Variants in DPYSL2 observed in about 807,000 individuals in gnomAD.
DPYSL2 encodes dihydropyrimidinase like 2, also known as dihydropyrimidinase-related protein 2.
In DPYSL2, 13 loss-of-function variants were observed where a neutral mutation model predicts 69.9. The observed-to-expected ratio is 0.19, with a 90% CI of 0.12 to 0.30. DPYSL2 has a LOEUF of 0.30. Among genes scored for constraint, DPYSL2 ranks in the 10% least tolerant of loss-of-function variants. The pLI, the probability that DPYSL2 is intolerant of heterozygous loss-of-function variation, is 1.00. For missense variants in DPYSL2, 587 were observed against 918.9 expected, an observed-to-expected ratio of 0.64 and a Z score of 4.67; for synonymous variants, 326 against 359.1, an observed-to-expected ratio of 0.91 and a Z score of 1.04.
rs79869691 is a variant in DPYSL2, at chr8:26,636,404, G to A, written c.1126+1504G>A. On this transcript the variant is annotated intron_variant, in intron 8 of 13. Coordinates refer to ENST00000521913, the MANE Select transcript of DPYSL2 (RefSeq NM_001197293.3). ...GTCTGAAAGGGGGAAAGAATGAGAC[G>A]GCTTATTTTCTGTATTTTACTACTG... Among the ~76,000 whole-genome samples the A allele has an allele frequency of 1.8e-3, 277 of 152,284 alleles. 6 individuals carry two copies. In the East Asian group the frequency reaches 0.046, roughly 25 times the overall value.
chr8:26,603,204 G>A (rs6557926), intron 3 of DPYSL2, among the ~76,000 whole-genome samples: 18,641 of 151,806 alleles, frequency 0.12, 1,273 homozygotes, highest in Non-Finnish European at 0.15. Flanking sequence ...ACAGGGTCTC[G>A]CTCTATCTCC....
At position 26,586,332 on chromosome 8, in the gene DPYSL2, C is replaced by T. The variant is rs1563397855; in HGVS notation, c.628+2349C>T. Among the ~76,000 whole-genome samples the T allele has an allele frequency of 6.6e-6, 1 of 152,172 alleles. No homozygotes were observed. Among genetic ancestry groups the T allele is most frequent in the African/African-American group, 2.4e-5 (1 of 41,440 alleles). ...GTCCTTTCCAGCCCCCTACATTTGG[C>T]CATTCACTGAAACTCATTCACTGAA... On this transcript the variant is annotated intron_variant, in intron 3 of 13. Coordinates refer to ENST00000521913, the MANE Select transcript of DPYSL2 (RefSeq NM_001197293.3). This position sits in a 1 kb window ranked among gnomAD's most constrained non-coding sequence, Gnocchi z 4.7.
chr8:26,647,484 T>C lies in DPYSL2; in HGVS notation c.1426-146T>C. ...AAATGGAGTCATACAGTGTGTGACC[T>C]TTGAGACGGTTTGTGTTTCACTTGG... is the stretch of plus-strand genomic sequence containing the variant. On this transcript the variant is annotated intron_variant, in intron 10 of 13. Transcript: ENST00000521913. The surrounding 1 kb of genome is among the most constrained non-coding windows in gnomAD (Gnocchi z 5.1). 1 of 830,680 alleles carries C rather than the reference T, an allele frequency of 1.2e-6. No individual in the cohort carries two copies. The highest frequency in any genetic ancestry group is 1.9e-6 in the Non-Finnish European group (1 of 527,012). 51.5% of individuals were successfully genotyped at this position (830,680 alleles called of 1,614,324 possible).
intron 1 of DPYSL2, among the ~76,000 whole-genome samples, chr8:26,568,107 G>A (rs902356617): frequency 1.3e-5 from 2 of 152,172 alleles, no homozygotes; most frequent in African/African-American, 4.8e-5. Flanking sequence ...GCATTCGGCT[G>A]TTTATTCTTT....
intron 1 of DPYSL2, among the ~76,000 whole-genome samples, chr8:26,578,955 G>GCCC (rs11285674): frequency 2.4e-4 from 36 of 151,244 alleles, no homozygotes; most frequent in African/African-American, 8.3e-4. Context: ...GGTTTTGGGT[G>GCCC]CCCCCCCCCC....
intron 1 of DPYSL2, among the ~76,000 whole-genome samples, chr8:26,534,175 T>G (rs1380501302): frequency 6.6e-6 from 1 of 152,146 alleles, no homozygotes; most frequent in Non-Finnish European, 1.5e-5. Flanking sequence ...ATGGACTATT[T>G]CACTTAATAT....
In DPYSL2 at chr8:26,614,826, A is replaced by T. The variant is rs1256033905; in HGVS notation, c.629-9317A>T. Among the ~76,000 whole-genome samples, 1 of 152,220 alleles carries T rather than the reference A, an allele frequency of 6.6e-6. No homozygotes were observed. The highest frequency in any genetic ancestry group is 1.5e-5 in the Non-Finnish European group (1 of 68,034). ...AAGAACATGTTTCCATATGCCTGCC[A>T]CCCTTAGGCTAAGGACACGGTTTTC... is the stretch of plus-strand genomic sequence containing the variant. On this transcript the variant is annotated intron_variant, in intron 3 of 13. Coordinates refer to ENST00000521913, the MANE Select transcript of DPYSL2 (RefSeq NM_001197293.3). The surrounding 1 kb of genome is among the most constrained non-coding windows in gnomAD (Gnocchi z 4.9).
In DPYSL2 at chr8:26,562,881, A is replaced by G. The variant is rs1801095787; in HGVS notation, c.355-19088A>G. Among the ~76,000 whole-genome samples the G allele has an allele frequency of 6.6e-6, 1 of 152,112 alleles. No individual in the cohort carries two copies. Among genetic ancestry groups the G allele is most frequent in the African/African-American group, 2.4e-5 (1 of 41,422 alleles). On this transcript the variant is annotated intron_variant, in intron 1 of 13. Coordinates refer to ENST00000521913, the MANE Select transcript of DPYSL2 (RefSeq NM_001197293.3). This position sits in a 1 kb window ranked among gnomAD's most constrained non-coding sequence, Gnocchi z 4.9. Reference sequence around the variant, plus strand: ...GAGTCCTCCAGAATCTTTCTCACTCATACGTCTGTCACCTTGGCACCATGG... The same window carrying G: ...GAGTCCTCCAGAATCTTTCTCACTCGTACGTCTGTCACCTTGGCACCATGG...
rs1050527375 is a variant in DPYSL2 at position 26,643,052 on chromosome 8, T to C, written c.1127-387T>C. 2.9e-5 allele frequency: 5 copies of C among 174,656 alleles called. No homozygotes were observed. The highest frequency in any genetic ancestry group is 9.5e-5 in the African/African-American group (4 of 42,126). 10.8% of individuals were successfully genotyped at this position (174,656 alleles called of 1,614,324 possible). A position where few individuals can be genotyped will look rare whatever the true frequency, so the allele number is the denominator to read the frequency against. On this transcript the variant is annotated intron_variant, in intron 8 of 13. Transcript: ENST00000521913. The surrounding 1 kb of genome is among the most constrained non-coding windows in gnomAD (Gnocchi z 6.5). The stretch of plus-strand genomic sequence containing the variant: ...GTGTGAATGAACAGGAAGGTTAAAT[T>C]TGAGGTGCCATAGGCCATGCATAAA...
intron 1 of DPYSL2, among the ~76,000 whole-genome samples, chr8:26,542,118 T>A (rs1005675927): frequency 7.2e-5 from 11 of 152,036 alleles, no homozygotes; most frequent in Non-Finnish European, 1.2e-4. Flanking sequence ...AAACCCCATA[T>A]CTACAAAAAA....
chr8:26,590,070 C>T (rs186321785), intron 3 of DPYSL2, among the ~76,000 whole-genome samples: 67 of 152,324 alleles, frequency 4.4e-4, no homozygotes, highest in Admixed American at 2.0e-3. Context: ...CGAGTACACA[C>T]GTGTGAACGC....
chr8:26,625,576 C>T (rs1802595124), intron 4 of DPYSL2, among the ~76,000 whole-genome samples: 1 of 152,182 alleles, frequency 6.6e-6, no homozygotes, highest in Non-Finnish European at 1.5e-5. Context: ...GATGTTTGGT[C>T]TGGTGCCTAG....
In DPYSL2 at chr8:26,516,465, A is replaced by G. The variant is rs1159364014; in HGVS notation, c.354+1786A>G. 6.6e-6 allele frequency among the ~76,000 whole-genome samples: 1 copy of G among 152,210 alleles called. No homozygotes were observed. The highest frequency in any genetic ancestry group is 2.4e-5 in the African/African-American group (1 of 41,444). On this transcript the variant is annotated intron_variant, in intron 1 of 13. Transcript: ENST00000521913. This position sits in a 1 kb window ranked among gnomAD's most constrained non-coding sequence, Gnocchi z 4.8. ...GGAGAATAAAGAAGAAATCATGTAA[A>G]AAGTGGCAGATCAGAGGATAGGGGT...
chr8:26,626,825 T>G lies in DPYSL2; in HGVS notation c.855+147T>G. 1.2e-6 allele frequency: 1 copy of G among 843,094 alleles called. No individual in the cohort carries two copies. Among genetic ancestry groups the G allele is most frequent in the South Asian group, 1.6e-5 (1 of 60,630 alleles). 52.2% of individuals were successfully genotyped at this position (843,094 alleles called of 1,614,324 possible). A position where few individuals can be genotyped will look rare whatever the true frequency, so the allele number is the denominator to read the frequency against. On this transcript the variant is annotated intron_variant, in intron 5 of 13. Transcript: ENST00000521913. This position sits in a 1 kb window ranked among gnomAD's most constrained non-coding sequence, Gnocchi z 4.3. ...ATGCAGTTACTGATGTAACTGAGCC[T>G]TGGAAGAGAGTATGAACGCAGTGCC...
chr8:26,592,080 G>T (rs985304183), intron 3 of DPYSL2, among the ~76,000 whole-genome samples: 2 of 152,176 alleles, frequency 1.3e-5, no homozygotes, highest in Non-Finnish European at 2.9e-5. Context: ...CTAGGTTTGG[G>T]TTGGTTTTCT....
Position 26,621,325 on chromosome 8 carries a change from G to C in DPYSL2, c.629-2818G>C, listed in dbSNP as rs897041397. 1.3e-5 allele frequency among the ~76,000 whole-genome samples: 2 copies of C among 152,114 alleles called. No individual in the cohort carries two copies. Among genetic ancestry groups the C allele is most frequent in the Non-Finnish European group, 2.9e-5 (2 of 68,038 alleles). On this transcript the variant is annotated intron_variant, in intron 3 of 13. Transcript: ENST00000521913. The surrounding 1 kb of genome is among the most constrained non-coding windows in gnomAD (Gnocchi z 4.9). ...TCATCAGAAAAAAATTATTATTTCT[G>C]CTCATTCCCTTTGCTGGCCAGTGAA...
At position 26,588,674 on chromosome 8, in the gene DPYSL2, C is replaced by T. The variant is rs1320363408; in HGVS notation, c.628+4691C>T. Among the ~76,000 whole-genome samples, 3 of 152,118 alleles carry T rather than the reference C, an allele frequency of 2.0e-5. No homozygotes were observed. The highest frequency in any genetic ancestry group is 4.4e-5 in the Non-Finnish European group (3 of 68,008). On this transcript the variant is annotated intron_variant, in intron 3 of 13. Coordinates refer to ENST00000521913, the MANE Select transcript of DPYSL2 (RefSeq NM_001197293.3). The surrounding 1 kb of genome is among the most constrained non-coding windows in gnomAD (Gnocchi z 5.4). ...TGCTGCCGCAGGGCTGGAAGGGGCC[C>T]TCCCTCCTGAGTACCAGCCTTGTCA...
At chr8:26,568,616 C>T (rs974948268) in intron 1 of DPYSL2, among the ~76,000 whole-genome samples, 8 of 152,266 alleles carry the variant, frequency 5.3e-5, no homozygotes, top group Admixed American at 3.3e-4. Flanking sequence ...TCTAGGGAAC[C>T]GAAATGGACA....
intron 1 of DPYSL2, among the ~76,000 whole-genome samples, chr8:26,544,563 A>C (rs1473672043): frequency 6.6e-6 from 1 of 152,238 alleles, no homozygotes. Context: ...TACACATGTA[A>C]CAACGGTTAT....
Sources: allele counts gnomAD v4.1 joint callset (sites outside exome capture counted in the v4.1 genomes callset), GRCh38; gene constraint gnomAD v4.1.1; non-coding constraint Gnocchi (gnomAD v3.1); transcripts MANE v1.5; gene names NCBI Gene and HGNC (gene_info 2026-07-23, HGNC 2026-07-21).